RPH3A: variants seen among roughly 807,000 people sequenced by gnomAD.
RPH3A encodes rabphilin-3A.
A neutral mutation model predicts 102.2 loss-of-function variants in RPH3A; 48 were observed. The ratio of observed to expected loss-of-function variants is 0.47; its 90% CI spans 0.37 to 0.60. RPH3A has a LOEUF of 0.60. Among genes scored for constraint, RPH3A ranks in the 20% least tolerant of loss-of-function variants. The probability of loss-of-function intolerance (pLI) is 0.00; values close to 1 mark genes in which losing one functional copy is unlikely to be tolerated. For missense variants in RPH3A, 781 were observed against 910.1 expected (o/e 0.86, Z 1.83); for synonymous variants, 310 against 324.3 (o/e 0.96, Z 0.47).
intron 1 of RPH3A, among the ~76,000 whole-genome samples, chr12:112,648,455 A>T (rs2039947966): frequency 6.6e-6 from 1 of 150,748 alleles, no homozygotes; most frequent in Admixed American, 6.7e-5. Flanking sequence ...TGGTTAGGCC[A>T]GGTGTGGTAG....
At chr12:112,752,968 C>CTTTTTTTT (rs3037266) in intron 1 of RPH3A, among the ~76,000 whole-genome samples, 12 of 118,896 alleles carry the variant, frequency 1.0e-4, no homozygotes, top group Admixed American at 1.7e-4. Flanking sequence ...GTCCAGTTTT[C>CTTTTTTTT]TTTTTTTTTT....
intron 1 of RPH3A, among the ~76,000 whole-genome samples, chr12:112,631,618 G>T (rs961188667): frequency 6.6e-6 from 1 of 152,052 alleles, no homozygotes; most frequent in Non-Finnish European, 1.5e-5. Context: ...GACCTCCCAG[G>T]TTCAAGTGAT....
At chr12:112,589,197 C>A (rs1382272110) in intron 1 of RPH3A, among the ~76,000 whole-genome samples, 2 of 151,806 alleles carry the variant, frequency 1.3e-5, no homozygotes, top group African/African-American at 2.4e-5. Flanking sequence ...GTTGGTACAC[C>A]CAAAACTCCT....
rs1418666688 is a variant in RPH3A, at chr12:112,847,840, C to T, written c.228C>T (p.Ile76=). The T allele has an allele frequency of 7.4e-6, 12 of 1,613,776 alleles. No individual in the cohort carries two copies. The highest frequency in any genetic ancestry group is 2.7e-5 in the African/African-American group (2 of 74,914). The change falls in exon 5 of 22, where the codon ATC becomes ATT. Residue 76 remains isoleucine (I), a splice_region_variant and synonymous_variant. Transcript: ENST00000389385. ...TGGAAGAGATGGAGCAGGAGCGAAT[C>T]GGGTGAGGCTTAACGCTTCCCATTC... is the stretch of plus-strand genomic sequence containing the variant. The part of the protein sequence containing the change: ...EKMEEMEQER[I]GRLVDRLENM...
chr12:112,692,527 GGC>G (rs1353481622), intron 1 of RPH3A, among the ~76,000 whole-genome samples: 1 of 152,124 alleles, frequency 6.6e-6, no homozygotes, highest in Admixed American at 6.5e-5. Flanking sequence ...TGTGGCCAGT[GGC>G]TACCATATTG....
At chr12:112,787,485 C>T (rs1222880639), upstream of RPH3A, among the ~76,000 whole-genome samples, 2 of 152,184 alleles carry the variant, frequency 1.3e-5, no homozygotes, top group African/African-American at 4.8e-5. Flanking sequence ...GGGTAAATAG[C>T]ACAACACAAC....
At chr12:112,830,286 C>T (rs1469846533) in intron 3 of RPH3A, among the ~76,000 whole-genome samples, 1 of 151,950 alleles carries the variant, frequency 6.6e-6, no homozygotes, top group Admixed American at 6.5e-5. Context: ...TACTTTACCC[C>T]AAGAGTGATT....
At chr12:112,719,482 A>G (rs1161209625) in intron 1 of RPH3A, among the ~76,000 whole-genome samples, 2 of 152,204 alleles carry the variant, frequency 1.3e-5, no homozygotes, top group Non-Finnish European at 2.9e-5. Context: ...TTTTGAGAGC[A>G]CCATTTATTC....
rs914016084 is a variant in RPH3A at position 112,870,157 on chromosome 12, C to T, written c.796+118C>T. 1.8e-5 allele frequency: 18 copies of T among 1,013,586 alleles called. No homozygotes were observed. The African/African-American group carries it at 2.9e-4, about 17-fold the overall frequency. 62.8% of individuals were successfully genotyped at this position (1,013,586 alleles called of 1,614,324 possible). ...AGCATTTATTGAGTCCTACTGTGTG[C>T]CGTGTTCTATTCCAGATACTGGTTT... On this transcript the variant is annotated intron_variant, in intron 10 of 21. Coordinates refer to ENST00000389385, the MANE Select transcript of RPH3A (RefSeq NM_001143854.2).
At chr12:112,826,003 T>G (rs2041863963) in intron 2 of RPH3A, among the ~76,000 whole-genome samples, 1 of 152,184 alleles carries the variant, frequency 6.6e-6, no homozygotes, top group African/African-American at 2.4e-5. Context: ...CAGGTAAACG[T>G]GTGCCATATG....
At chr12:112,781,518 C>T (rs1167881267) in intron 1 of RPH3A, among the ~76,000 whole-genome samples, 1 of 152,018 alleles carries the variant, frequency 6.6e-6, no homozygotes, top group Non-Finnish European at 1.5e-5. Flanking sequence ...ATGAGAGAGC[C>T]CCTGGGTGAA....
intron 1 of RPH3A, among the ~76,000 whole-genome samples, chr12:112,696,557 G>A (rs2040353730): frequency 6.6e-6 from 1 of 152,148 alleles, no homozygotes; most frequent in African/African-American, 2.4e-5. Flanking sequence ...TCATTGCTAG[G>A]TTGTGTGCCT....
intron 1 of RPH3A, among the ~76,000 whole-genome samples, chr12:112,714,037 A>C (rs958121186): frequency 6.6e-6 from 1 of 152,180 alleles, no homozygotes; most frequent in Non-Finnish European, 1.5e-5. Context: ...ATGGGATAAC[A>C]TGAGGCCTAT....
intron 19 of RPH3A, chr12:112,894,124 G>A: frequency 1.6e-4 from 29 of 182,772 alleles, no homozygotes; most frequent in Non-Finnish European, 2.6e-4. Context: ...TCCCCTTTCT[G>A]TGCATACACC....
chr12:112,758,867 T>C (rs1213246386), intron 1 of RPH3A, among the ~76,000 whole-genome samples: 1 of 152,204 alleles, frequency 6.6e-6, no homozygotes, highest in Non-Finnish European at 1.5e-5. Flanking sequence ...CAGATGGGTG[T>C]CCCATTGTGC....
At chr12:112,795,888 C>T (rs574913389) in intron 2 of RPH3A, among the ~76,000 whole-genome samples, 1 of 152,096 alleles carries the variant, frequency 6.6e-6, no homozygotes, top group Non-Finnish European at 1.5e-5. Flanking sequence ...GCAATCGGGG[C>T]GATGTTGGTG....
chr12:112,748,826 C>T (rs1046302820), intron 1 of RPH3A, among the ~76,000 whole-genome samples: 10 of 152,126 alleles, frequency 6.6e-5, no homozygotes, highest in Non-Finnish European at 1.5e-4. Context: ...GTGCCAGAGG[C>T]TACGAACTGA....
intron 1 of RPH3A, among the ~76,000 whole-genome samples, chr12:112,724,491 A>G (rs1274450005): frequency 1.3e-5 from 2 of 152,222 alleles, no homozygotes; most frequent in African/African-American, 4.8e-5. Context: ...CACAGTTCAA[A>G]CCCATGTTGT....
At chr12:112,876,915 C>T (rs770181607) in intron 13 of RPH3A, 49 bp downstream of exon 13, 2 of 1,437,056 alleles carry the variant, frequency 1.4e-6, no homozygotes, top group Non-Finnish European at 1.9e-6. Flanking sequence ...ACTTCAGGAG[C>T]CAAGCCCAGG....
Sources: allele counts gnomAD v4.1 joint callset (sites outside exome capture counted in the v4.1 genomes callset), GRCh38; gene constraint gnomAD v4.1.1; transcripts MANE v1.5; gene names NCBI Gene and HGNC (gene_info 2026-07-23, HGNC 2026-07-21).